FTO: variants seen among roughly 807,000 people sequenced by gnomAD.
FTO encodes the protein alpha-ketoglutarate-dependent dioxygenase FTO.
A neutral mutation model predicts 63.9 loss-of-function variants in FTO; 47 were observed. The ratio of observed to expected loss-of-function variants is 0.74; its 90% confidence interval spans 0.58 to 0.94. FTO has a LOEUF of 0.94. Ranked by LOEUF, FTO falls within the 40% of genes least tolerant of loss-of-function variation. The pLI, the probability that FTO is intolerant of heterozygous loss-of-function variation, is 0.00. For missense variants in FTO, 562 were observed against 618.1 expected, an observed-to-expected ratio of 0.91 and a Z score of 0.96; for synonymous variants, 207 against 224.4, an observed-to-expected ratio of 0.92 and a Z score of 0.69.
chr16:53,801,408 A>G (rs1029448656), intron 1 of FTO, among the ~76,000 whole-genome samples: 1 of 151,954 alleles, frequency 6.6e-6, no homozygotes, highest in Non-Finnish European at 1.5e-5. Context: ...TTATTTCTAC[A>G]TATGTTATGA....
chr16:54,053,716 C>G (rs569672788), intron 8 of FTO, among the ~76,000 whole-genome samples: 1 of 152,288 alleles, frequency 6.6e-6, no homozygotes, highest in African/African-American at 2.4e-5. Context: ...CTCTATTTGT[C>G]AAGCCCAGTG....
At chr16:53,751,098 C>T (rs62048375) in intron 1 of FTO, among the ~76,000 whole-genome samples, 47,808 of 151,898 alleles carry the variant, frequency 0.31, 9,130 homozygotes, top group African/African-American at 0.53. Flanking sequence ...AAGAATTGTC[C>T]TGGGCCACAC....
intron 1 of FTO, among the ~76,000 whole-genome samples, chr16:53,752,493 T>C (rs1490802355): frequency 6.6e-6 from 1 of 152,226 alleles, no homozygotes; most frequent in Non-Finnish European, 1.5e-5. Flanking sequence ...TGAATATAAA[T>C]CAATTTCATT....
At chr16:53,807,597 G>A (rs1182080359) in intron 1 of FTO, among the ~76,000 whole-genome samples, 1 of 152,152 alleles carries the variant, frequency 6.6e-6, no homozygotes, top group African/African-American at 2.4e-5. Flanking sequence ...ATGTAGATTA[G>A]CTTTACTGAT....
intron 1 of FTO, among the ~76,000 whole-genome samples, chr16:53,794,131 C>A (rs1282738700): frequency 6.6e-6 from 1 of 152,148 alleles, no homozygotes; most frequent in Non-Finnish European, 1.5e-5. Flanking sequence ...TGTACCATAG[C>A]ATTTTTCTGG....
At chr16:54,082,980 A>AT (rs1297024152) in intron 8 of FTO, among the ~76,000 whole-genome samples, 3 of 152,132 alleles carry the variant, frequency 2.0e-5, no homozygotes, top group South Asian at 4.1e-4. Context: ...TCTAAAATGT[A>AT]TTTTTTTCAT....
intron 1 of FTO, among the ~76,000 whole-genome samples, chr16:53,709,456 C>G (rs1043972968): frequency 5.9e-5 from 9 of 152,112 alleles, no homozygotes; most frequent in African/African-American, 2.2e-4. Flanking sequence ...CTCAGTTTCT[C>G]CAGTCATTAA....
At chr16:53,813,736 G>T (rs993645819) in intron 2 of FTO, among the ~76,000 whole-genome samples, 9 of 152,126 alleles carry the variant, frequency 5.9e-5, no homozygotes, top group Admixed American at 1.3e-4. Context: ...TCTGTCGATT[G>T]ATCCTTACAG....
chr16:54,009,929 A>C (rs2084298937), intron 8 of FTO, among the ~76,000 whole-genome samples: 1 of 152,178 alleles, frequency 6.6e-6, no homozygotes, highest in Non-Finnish European at 1.5e-5. Flanking sequence ...GTTCAGCTGT[A>C]AAGTGATGTT....
chr16:54,040,766 T>G (rs1421099965), intron 8 of FTO: 1 of 152,160 alleles, frequency 6.6e-6, no homozygotes, highest in East Asian at 1.9e-4. Context: ...TGATGCGAGA[T>G]GAGAATAGTC....
Position 54,121,043 on chromosome 16 carries a change from C to T in FTO, c.*9128C>T, listed in dbSNP as rs1223104947. Reference sequence around the variant, plus strand: ...TAGCCCACAGCCAAATCTGGCCCATCCCCTGTTCTTATAAAGTTTTATTGG... The same window carrying T: ...TAGCCCACAGCCAAATCTGGCCCATTCCCTGTTCTTATAAAGTTTTATTGG... On this transcript the variant is annotated 3_prime_UTR_variant, in exon 9 of 9. Coordinates refer to ENST00000471389, the MANE Select transcript of FTO (RefSeq NM_001080432.3). The T allele has an allele frequency of 6.6e-6, 1 of 152,570 alleles. No individual in the cohort carries two copies. Among genetic ancestry groups the T allele is most frequent in the Non-Finnish European group, 1.5e-5 (1 of 68,050 alleles). 9.5% of individuals were successfully genotyped at this position (152,570 alleles called of 1,614,324 possible).
At chr16:53,811,307 C>T (rs1320755161) in intron 2 of FTO, among the ~76,000 whole-genome samples, 2 of 152,132 alleles carry the variant, frequency 1.3e-5, no homozygotes, top group Non-Finnish European at 2.9e-5. Context: ...CAGAGGGTTG[C>T]CGTGAAAATC....
At chr16:53,748,955 G>A (rs897892260) in intron 1 of FTO, among the ~76,000 whole-genome samples, 3 of 148,726 alleles carry the variant, frequency 2.0e-5, no homozygotes, top group Non-Finnish European at 4.5e-5. Flanking sequence ...TAGTAGAGAC[G>A]AGGTTTCACC....
chr16:53,892,620 TGGAA>T (rs959439870), intron 7 of FTO, among the ~76,000 whole-genome samples: 3 of 152,220 alleles, frequency 2.0e-5, no homozygotes, highest in Non-Finnish European at 4.4e-5. Flanking sequence ...GTGCGTGTTG[TGGAA>T]GGATTTCTTT....
At chr16:54,098,300 C>T (rs1183797449) in intron 8 of FTO, among the ~76,000 whole-genome samples, 5 of 152,150 alleles carry the variant, frequency 3.3e-5, no homozygotes, top group Admixed American at 2.0e-4. Context: ...CCTAAGTGAC[C>T]TGTTAGTGAA....
chr16:53,779,832 T>G (rs2077545439), intron 1 of FTO, among the ~76,000 whole-genome samples: 1 of 152,144 alleles, frequency 6.6e-6, no homozygotes, highest in South Asian at 2.1e-4. Context: ...CTAGTAGGTG[T>G]TTTAGACACC....
At chr16:53,992,066 G>A (rs2083823880) in intron 8 of FTO, 1 of 152,150 alleles carries the variant, frequency 6.6e-6, no homozygotes, top group African/African-American at 2.4e-5. Flanking sequence ...AACCTGGCAG[G>A]ATTGTTTGTA....
At chr16:53,780,157 G>T (rs1422812251) in intron 1 of FTO, among the ~76,000 whole-genome samples, 2 of 152,144 alleles carry the variant, frequency 1.3e-5, no homozygotes, top group Non-Finnish European at 1.5e-5. Flanking sequence ...AACAACCTGG[G>T]TTCTATAGCT....
At chr16:53,938,936 A>C (rs1047932113) in intron 8 of FTO, among the ~76,000 whole-genome samples, 1 of 151,166 alleles carries the variant, frequency 6.6e-6, no homozygotes, top group Non-Finnish European at 1.5e-5. Flanking sequence ...AAAAATACAA[A>C]AAAAAAAAAA....
Sources: allele counts gnomAD v4.1 joint callset (sites outside exome capture counted in the v4.1 genomes callset), GRCh38; gene constraint gnomAD v4.1.1; transcripts MANE v1.5; gene names NCBI Gene and HGNC (gene_info 2026-07-23, HGNC 2026-07-21).